The following NAA38 variants were observed in gnomAD, a reference collection of about 807,000 sequenced individuals.
NAA38 encodes N-alpha-acetyltransferase 38, NatC auxiliary subunit, also known as LSM domain containing 1.
NAA38 carries 15 observed loss-of-function variants against 12.6 expected under a neutral mutation model. The observed-to-expected ratio is 1.19, with a 90% CI of 0.79 to 1.83. The LOEUF is 1.83. Ranked by LOEUF, NAA38 falls within the 40% of genes most tolerant of loss-of-function variation. NAA38 has a pLI of 0.00. For missense variants in NAA38, 183 were observed against 171.7 expected, an observed-to-expected ratio of 1.07 and a Z score of -0.37; for synonymous variants, 88 against 69.9, an observed-to-expected ratio of 1.26 and a Z score of -1.29.
At chr17:7,859,747 C>T (rs1012743710), upstream of NAA38, 2 of 729,662 alleles carry the variant, frequency 2.7e-6, no homozygotes, top group South Asian at 1.7e-5. Context: ...AGCCTGTGCC[C>T]TTCTGAAGTG....
chr17:7,868,029 C>T (rs1028700251), intron 2 of NAA38, among the ~76,000 whole-genome samples: 3 of 152,158 alleles, frequency 2.0e-5, no homozygotes, highest in Non-Finnish European at 4.4e-5. Flanking sequence ...CAGGCAGGCA[C>T]ATGTCCAGAT....
At chr17:7,868,932 A>T (rs1009609473) in intron 2 of NAA38, among the ~76,000 whole-genome samples, 12 of 152,220 alleles carry the variant, frequency 7.9e-5, no homozygotes. Flanking sequence ...GAGCTTCTTT[A>T]TACAGTGATG....
intron 3 of NAA38, chr17:7,866,465 C>T (rs1966985267): frequency 8.1e-7 from 1 of 1,231,406 alleles, no homozygotes; most frequent in Non-Finnish European, 1.0e-6. Flanking sequence ...ACCTACTTCT[C>T]TTAAGATGAA....
chr17:7,874,856 G>T, intron 2 of NAA38, among the ~76,000 whole-genome samples: 1 of 129,770 alleles, frequency 7.7e-6, no homozygotes, highest in Admixed American at 9.5e-5. Flanking sequence ...CTGCACTCCA[G>T]CCTCGGCAAT....
intron 1 of NAA38, 43 bp downstream of exon 1, chr17:7,857,340 T>G: frequency 2.5e-6 from 4 of 1,613,084 alleles, no homozygotes; most frequent in Non-Finnish European, 3.4e-6. Flanking sequence ...TCCATCTTGC[T>G]GCTTGACTGC....
chr17:7,866,252 A>C (rs1304834834), intron 3 of NAA38, among the ~76,000 whole-genome samples: 1 of 106,758 alleles, frequency 9.4e-6, no homozygotes, highest in African/African-American at 4.5e-5. Context: ...AAGCCCGGCT[A>C]ATTTTTTTTT....
chr17:7,856,738 T>G lies in NAA38; in HGVS notation c.371A>C (p.Tyr124Ser). ...VQRESLTGPPYL is the reference protein window; with the variant it reads ...VQRESLTGPPSL ...AGGTAAGCGCCATCGTGGTCAGAGATACGGAGGCCCGGTCAGACTCTCCCT... is the reference window on the plus strand; with the variant it reads ...AGGTAAGCGCCATCGTGGTCAGAGAGACGGAGGCCCGGTCAGACTCTCCCT... The change falls in exon 3 of 3, where the codon TAT (tyrosine) becomes TCT (serine). Residue 124 changes from tyrosine (Y) to serine (S), a missense_variant. Tyr to Ser is a moderately radical substitution (Grantham distance 144, BLOSUM62 -2). Transcript: ENST00000575771. The G allele has an allele frequency of 6.2e-7, 1 of 1,613,480 alleles. No individual in the cohort carries two copies. Among genetic ancestry groups the G allele is most frequent in the Non-Finnish European group, 8.5e-7 (1 of 1,179,536 alleles).
At chr17:7,857,737 G>A, upstream of NAA38, 1 of 1,284,312 alleles carries the variant, frequency 7.8e-7, no homozygotes, top group Non-Finnish European at 9.8e-7. Flanking sequence ...AATTTAGCGA[G>A]AATACATTCT....
intron 2 of NAA38, among the ~76,000 whole-genome samples, chr17:7,878,073 TTTTTA>T (rs944075147): frequency 1.3e-5 from 2 of 152,194 alleles, no homozygotes; most frequent in Non-Finnish European, 1.5e-5. Flanking sequence ...CTTTTATTGA[TTTTTA>T]TTTTAACAAT....
At chr17:7,884,446 T>TTATATATATATATATA (rs1476315958) in intron 1 of NAA38, among the ~76,000 whole-genome samples, 1 of 102,256 alleles carries the variant, frequency 9.8e-6, no homozygotes, top group East Asian at 4.5e-4. Flanking sequence ...TCGAAAACTT[T>TTATATATATATATATA]TATATATATA....
upstream of NAA38, chr17:7,857,591 C>T: frequency 3.6e-6 from 5 of 1,385,142 alleles, no homozygotes; most frequent in Non-Finnish European, 4.7e-6. Flanking sequence ...CTCCTAGTCT[C>T]CTCGGCAACG....
At chr17:7,859,335 A>C, upstream of NAA38, 2 of 1,493,216 alleles carry the variant, frequency 1.3e-6, no homozygotes, top group Non-Finnish European at 1.9e-6. Context: ...GTGTATATGT[A>C]TACTCCATCC....
upstream of NAA38, chr17:7,858,106 G>C (rs779324431): frequency 6.2e-7 from 1 of 1,611,928 alleles, no homozygotes; most frequent in African/African-American, 1.3e-5. Context: ...GAGTAACCAA[G>C]AGATCCAGTG....
intron 2 of NAA38, among the ~76,000 whole-genome samples, chr17:7,867,264 A>T (rs57885072): frequency 0.29 from 43,508 of 149,142 alleles, 7,334 homozygotes; most frequent in East Asian, 0.82. Context: ...GTTAAGTTTT[A>T]TTTTTTTTTA....
rs532159482 is a variant in NAA38 at position 7,873,543 on chromosome 17, G to A, written c.-65-6985C>T. On this transcript the variant is annotated intron_variant, in intron 2 of 4. Transcript: ENST00000576861. ...AAGGTGGCAGCTAAAGGGGTCCAGA[G>A]TATTTCTTTCAAAGATAAGGAGATT... Among the ~76,000 whole-genome samples, 5 of 152,298 alleles carry A rather than the reference G, an allele frequency of 3.3e-5. No homozygotes were observed. The South Asian group carries it at 1.0e-3, about 32-fold the overall frequency.
At chr17:7,858,188 C>T, upstream of NAA38, 6 of 1,613,940 alleles carry the variant, frequency 3.7e-6, no homozygotes, top group Non-Finnish European at 5.1e-6. Context: ...TTCAGCGTCG[C>T]TATTTCACGC....
chr17:7,865,560 G>A (rs1309031589), intron 3 of NAA38: 5 of 152,128 alleles, frequency 3.3e-5, no homozygotes, highest in Non-Finnish European at 7.3e-5. Context: ...CCTCTACACA[G>A]GGCAGTTTGG....
At chr17:7,873,608 T>C (rs1967124228) in intron 2 of NAA38, among the ~76,000 whole-genome samples, 1 of 151,968 alleles carries the variant, frequency 6.6e-6, no homozygotes, top group South Asian at 2.1e-4. Context: ...GCAAGTGGAA[T>C]CGGAAATAAA....
intron 3 of NAA38, chr17:7,865,888 G>C (rs1047931202): frequency 6.6e-6 from 1 of 152,022 alleles, no homozygotes. Context: ...TTGGAATCTT[G>C]GCCCTATCAT....
Sources: allele counts gnomAD v4.1 joint callset (sites outside exome capture counted in the v4.1 genomes callset), GRCh38; gene constraint gnomAD v4.1.1; transcripts MANE v1.5; gene names NCBI Gene and HGNC (gene_info 2026-07-23, HGNC 2026-07-21).